The following GPC5 variants were observed in gnomAD, a reference collection of about 807,000 sequenced individuals.
The protein encoded by GPC5 is glypican 5, also known as glypican-5.
In GPC5, 47 loss-of-function variants were observed where a neutral mutation model predicts 53.9. That is an observed-to-expected ratio of 0.87 (90% CI 0.69 to 1.11). The LOEUF (loss-of-function observed/expected upper bound fraction) is 1.11. Among genes scored for constraint, GPC5 ranks in the 50% most tolerant of loss-of-function variants. The pLI is 0.00. For synonymous variants in GPC5, 286 were observed against 263.3 expected (o/e 1.09, Z -0.84); for missense variants, 748 against 713.1 (o/e 1.05, Z -0.56).
chr13:91,696,048 G>A (rs2139828687), intron 3 of GPC5, among the ~76,000 whole-genome samples: 1 of 152,262 alleles, frequency 6.6e-6, no homozygotes. Context: ...GAAAAGGAAG[G>A]GAGGAATAAC....
At chr13:92,515,529 C>G (rs1880741032) in intron 7 of GPC5, among the ~76,000 whole-genome samples, 1 of 152,128 alleles carries the variant, frequency 6.6e-6, no homozygotes, top group Non-Finnish European at 1.5e-5. Flanking sequence ...GTACATACAA[C>G]TGAGAATACA....
At chr13:92,653,355 G>A (rs913015125) in intron 7 of GPC5, among the ~76,000 whole-genome samples, 1 of 152,138 alleles carries the variant, frequency 6.6e-6, no homozygotes, top group Admixed American at 6.6e-5. Flanking sequence ...GCAAACTGTC[G>A]CAGCCAAAGA....
intron 6 of GPC5, among the ~76,000 whole-genome samples, chr13:91,946,392 A>G (rs1352771496): frequency 1.3e-5 from 2 of 152,222 alleles, no homozygotes; most frequent in Non-Finnish European, 2.9e-5. Context: ...ATGCTTCTCC[A>G]TCTACCTCTT....
chr13:92,584,641 G>A (rs1283964060), intron 7 of GPC5, among the ~76,000 whole-genome samples: 1 of 152,150 alleles, frequency 6.6e-6, no homozygotes, highest in Admixed American at 6.5e-5. Context: ...TAACTAGGAG[G>A]CGAATGTTAA....
intron 4 of GPC5, among the ~76,000 whole-genome samples, chr13:91,748,841 G>C (rs376960610): frequency 3.9e-4 from 60 of 152,110 alleles, no homozygotes; most frequent in African/African-American, 1.2e-3. Flanking sequence ...GACAATTCTG[G>C]GTGGAGGAAA....
At chr13:91,445,688 T>G (rs1450541845) in intron 1 of GPC5, among the ~76,000 whole-genome samples, 4 of 152,142 alleles carry the variant, frequency 2.6e-5, no homozygotes, top group African/African-American at 4.8e-5. Context: ...TTGGCCAGGC[T>G]GGTCTCGAAC....
At chr13:91,983,885 C>T (rs953355212) in intron 6 of GPC5, among the ~76,000 whole-genome samples, 5 of 152,196 alleles carry the variant, frequency 3.3e-5, no homozygotes, top group African/African-American at 1.2e-4. Context: ...ACCAGTCTTT[C>T]ATCCTTCCTT....
chr13:92,459,360 G>C (rs1180766019), intron 7 of GPC5, among the ~76,000 whole-genome samples: 1 of 152,144 alleles, frequency 6.6e-6, no homozygotes, highest in African/African-American at 2.4e-5. Flanking sequence ...GTTGACAGAA[G>C]ATTTCAAATC....
chr13:91,742,749 C>T lies in GPC5; in HGVS notation c.1155-13546C>T, dbSNP rs76328986. ...TTCTTAGATGAGGATAGGCTTAATT[C>T]GGGGAGCATGACATTTATTCAAACT... On this transcript the variant is annotated intron_variant, in intron 4 of 7. Transcript: ENST00000377067. Among the ~76,000 whole-genome samples the T allele has an allele frequency of 6.6e-3, 1,010 of 152,182 alleles. 14 individuals are homozygous for T. The highest frequency in any genetic ancestry group is 0.023 in the African/African-American group (956 of 41,532).
At chr13:92,518,636 C>A (rs898321995) in intron 7 of GPC5, among the ~76,000 whole-genome samples, 1 of 152,170 alleles carries the variant, frequency 6.6e-6, no homozygotes, top group African/African-American at 2.4e-5. Flanking sequence ...AAACACTAAA[C>A]ATGGAAAGGA....
intron 7 of GPC5, among the ~76,000 whole-genome samples, chr13:92,810,118 C>T (rs558778257): frequency 6.6e-6 from 1 of 152,126 alleles, no homozygotes; most frequent in African/African-American, 2.4e-5. Flanking sequence ...TTAAATTATC[C>T]TTGGTTTTAC....
intron 6 of GPC5, among the ~76,000 whole-genome samples, chr13:92,017,027 T>C (rs905552577): frequency 1.3e-5 from 2 of 152,190 alleles, no homozygotes; most frequent in African/African-American, 4.8e-5. Flanking sequence ...AACAATGGCC[T>C]GTCGATGCTG....
intron 5 of GPC5, among the ~76,000 whole-genome samples, chr13:91,817,656 T>C (rs2038421354): frequency 2.0e-5 from 3 of 152,112 alleles, no homozygotes; most frequent in South Asian, 4.1e-4. Flanking sequence ...CTTCTTAAAG[T>C]GTCTTAGAGG....
chr13:92,371,875 A>G (rs1277154376), intron 7 of GPC5, among the ~76,000 whole-genome samples: 1 of 152,344 alleles, frequency 6.6e-6, no homozygotes, highest in East Asian at 1.9e-4. Context: ...GTAATGGAAG[A>G]AATAGCAGCA....
At chr13:92,284,924 T>C (rs144071482) in intron 7 of GPC5, among the ~76,000 whole-genome samples, 1 of 152,216 alleles carries the variant, frequency 6.6e-6, no homozygotes, top group African/African-American at 2.4e-5. Flanking sequence ...ATAAAGGGTA[T>C]TCAATTAGGA....
chr13:92,353,026 C>T (rs1461884505), intron 7 of GPC5, among the ~76,000 whole-genome samples: 4 of 151,464 alleles, frequency 2.6e-5, no homozygotes, highest in African/African-American at 9.7e-5. Flanking sequence ...TTTGGGAGGC[C>T]GAGGCGGGTG....
intron 7 of GPC5, among the ~76,000 whole-genome samples, chr13:92,569,742 C>T (rs189536547): frequency 6.6e-6 from 1 of 152,146 alleles, no homozygotes; most frequent in Non-Finnish European, 1.5e-5. Context: ...TTCAATGCCA[C>T]TGTACATCTG....
At position 91,593,482 on chromosome 13, in the gene GPC5, G is replaced by A. The variant is rs112419031; in HGVS notation, c.326-99705G>A. On this transcript the variant is annotated intron_variant, in intron 2 of 7. Coordinates refer to ENST00000377067, the MANE Select transcript of GPC5 (RefSeq NM_004466.6). ...ATGATGTCTCTGGGCCTTTCTATATGAATTTTCCTTTTAGTAGAATTGTTT... is the reference window on the plus strand; with the variant it reads ...ATGATGTCTCTGGGCCTTTCTATATAAATTTTCCTTTTAGTAGAATTGTTT... 2.0e-4 allele frequency among the ~76,000 whole-genome samples: 30 copies of A among 152,156 alleles called. 1 individual carries two copies. The highest frequency in any genetic ancestry group is 7.0e-4 in the African/African-American group (29 of 41,526).
At chr13:92,221,206 T>C (rs2042445918) in intron 7 of GPC5, among the ~76,000 whole-genome samples, 2 of 152,184 alleles carry the variant, frequency 1.3e-5, no homozygotes, top group Non-Finnish European at 2.9e-5. Context: ...ATAATTAATT[T>C]TGTGACTATC....
Sources: allele counts gnomAD v4.1 joint callset (sites outside exome capture counted in the v4.1 genomes callset), GRCh38; gene constraint gnomAD v4.1.1; transcripts MANE v1.5; gene names NCBI Gene and HGNC (gene_info 2026-07-23, HGNC 2026-07-21).